The following WWOX variants were observed in gnomAD, a reference collection of about 807,000 sequenced individuals.
The protein encoded by WWOX is WW domain containing oxidoreductase.
A neutral mutation model predicts 46.2 loss-of-function variants in WWOX; 69 were observed. That is an observed-to-expected ratio of 1.49 (90% CI 1.23 to 1.82). WWOX has a LOEUF of 1.82. WWOX is among the 40% of genes most tolerant of loss of function. The pLI, the probability that WWOX is intolerant of heterozygous loss-of-function variation, is 0.00. For missense variants in WWOX, 919 were observed against 542.6 expected (o/e 1.69, Z -6.89); for synonymous variants, 359 against 202.6 (o/e 1.77, Z -6.56).
At chr16:78,916,147 A>G (rs886675585) in intron 8 of WWOX, among the ~76,000 whole-genome samples, 6 of 152,176 alleles carry the variant, frequency 3.9e-5, no homozygotes, top group African/African-American at 1.4e-4. Flanking sequence ...TCTTGATAAA[A>G]CAATGCTCTC....
intron 5 of WWOX, among the ~76,000 whole-genome samples, chr16:78,332,580 A>T (rs1260238806): frequency 6.6e-6 from 1 of 152,222 alleles, no homozygotes; most frequent in Non-Finnish European, 1.5e-5. Flanking sequence ...CCAAGTATTT[A>T]TATAGTTCAA....
intron 8 of WWOX, among the ~76,000 whole-genome samples, chr16:78,830,537 C>G (rs1307898263): frequency 6.6e-6 from 1 of 152,000 alleles, no homozygotes; most frequent in East Asian, 1.9e-4. Flanking sequence ...AGCCTCCTTC[C>G]TCCCAGCAGA....
At chr16:78,342,480 G>T (rs112881552) in intron 5 of WWOX, among the ~76,000 whole-genome samples, 1 of 119,450 alleles carries the variant, frequency 8.4e-6, no homozygotes, top group Non-Finnish European at 2.0e-5. Context: ...CGTGGCATTT[G>T]TTGCTTCCAT....
intron 8 of WWOX, among the ~76,000 whole-genome samples, chr16:78,765,785 C>A (rs188245091): frequency 1.1e-3 from 173 of 152,314 alleles, no homozygotes; most frequent in African/African-American, 4.0e-3. Context: ...GCAAAAATCA[C>A]AACCTCTGTC....
chr16:78,674,005 A>T (rs2047527888), intron 8 of WWOX, among the ~76,000 whole-genome samples: 1 of 152,180 alleles, frequency 6.6e-6, no homozygotes, highest in African/African-American at 2.4e-5. Context: ...AAAACCTGCA[A>T]GAGACCGCTT....
chr16:78,206,897 A>G lies in WWOX; in HGVS notation c.516+42608A>G, dbSNP rs1252222699. Among the ~76,000 whole-genome samples the G allele has an allele frequency of 3.3e-5, 5 of 152,292 alleles. No individual in the cohort carries two copies. In the East Asian group the frequency reaches 7.7e-4, roughly 24 times the overall value. The stretch of plus-strand genomic sequence containing the variant: ...TCTGTGTTGCAAAATTGAGATAATG[A>G]TAATAGCTAATGATACCTCTCCCTT... On this transcript the variant is annotated intron_variant, in intron 5 of 8. Coordinates refer to ENST00000566780, the MANE Select transcript of WWOX (RefSeq NM_016373.4).
In WWOX at chr16:79,212,252, G is replaced by C. The variant is rs1400206389; in HGVS notation, c.*456G>C. 1.5e-6 allele frequency: 2 copies of C among 1,328,140 alleles called. No homozygotes were observed. Among genetic ancestry groups the C allele is most frequent in the African/African-American group, 1.5e-5 (1 of 67,326 alleles). The allele number at this position is 1,328,140 out of a possible 1,614,324, so 82.3% of individuals were successfully genotyped here. A position where few individuals can be genotyped will look rare whatever the true frequency, so the allele number is the denominator to read the frequency against. ...TGCTCCTTGCTGCATTGATCCAGGA[G>C]ATAATTGTTTCATTCATCCTGACCA... On this transcript the variant is annotated 3_prime_UTR_variant, in exon 9 of 9. Coordinates refer to ENST00000566780, the MANE Select transcript of WWOX (RefSeq NM_016373.4).
At chr16:78,613,896 C>G (rs960515248) in intron 8 of WWOX, among the ~76,000 whole-genome samples, 3 of 152,224 alleles carry the variant, frequency 2.0e-5, no homozygotes, top group Admixed American at 1.3e-4. Context: ...TAGGCCAAAT[C>G]TGGCCTGTTT....
intron 8 of WWOX, among the ~76,000 whole-genome samples, chr16:79,123,776 T>C (rs1039133562): frequency 2.0e-5 from 3 of 152,202 alleles, no homozygotes; most frequent in Admixed American, 1.3e-4. Context: ...TAAAGAATTA[T>C]GTCAACCTGA....
chr16:79,192,783 C>G (rs399238), intron 8 of WWOX, among the ~76,000 whole-genome samples: 63,183 of 151,986 alleles, frequency 0.42, 15,812 homozygotes, highest in Non-Finnish European at 0.57. Context: ...CAGAGCCCAC[C>G]CATCCCGTTT....
chr16:78,147,333 A>G (rs1223019796), intron 4 of WWOX, among the ~76,000 whole-genome samples: 3 of 152,094 alleles, frequency 2.0e-5, no homozygotes, highest in Admixed American at 2.0e-4. Flanking sequence ...TTGGAGTTGG[A>G]GGAGTCATTG....
chr16:78,702,009 A>ATATATATG (rs1333641443), intron 8 of WWOX, among the ~76,000 whole-genome samples: 1 of 38,676 alleles, frequency 2.6e-5, no homozygotes, highest in African/African-American at 1.2e-4. Context: ...ACATAAAATT[A>ATATATATG]TATATATATA....
At chr16:78,551,299 G>C (rs112162284) in intron 8 of WWOX, 2 of 152,130 alleles carry the variant, frequency 1.3e-5, no homozygotes, top group East Asian at 3.9e-4. Context: ...TAGATATCTC[G>C]TCTTCCAAAC....
At chr16:78,892,982 C>T (rs1257304764) in intron 8 of WWOX, among the ~76,000 whole-genome samples, 2 of 152,120 alleles carry the variant, frequency 1.3e-5, no homozygotes, top group Admixed American at 1.3e-4. Context: ...CCTTGGATTC[C>T]TTCCTTCAAG....
chr16:78,277,407 C>T lies in WWOX; in HGVS notation c.517-109453C>T, dbSNP rs543357740. On this transcript the variant is annotated intron_variant, in intron 5 of 8. Coordinates refer to ENST00000566780, the MANE Select transcript of WWOX (RefSeq NM_016373.4). ...TGAGGGAAGTTGCAGTTTTCTCCCTCTGTGTATTCATCCTTCTGACCTGTG... is the reference window on the plus strand; with the variant it reads ...TGAGGGAAGTTGCAGTTTTCTCCCTTTGTGTATTCATCCTTCTGACCTGTG... Among the ~76,000 whole-genome samples the T allele has an allele frequency of 3.3e-5, 5 of 152,322 alleles. No homozygotes were observed. In the South Asian group the frequency reaches 1.0e-3, roughly 32 times the overall value.
At chr16:78,224,725 C>T (rs1409027287) in intron 5 of WWOX, among the ~76,000 whole-genome samples, 3 of 152,148 alleles carry the variant, frequency 2.0e-5, no homozygotes, top group Non-Finnish European at 4.4e-5. Context: ...TGCCAAATTG[C>T]TTTCTTGAAA....
intron 6 of WWOX, among the ~76,000 whole-genome samples, chr16:78,422,720 C>CATAT (rs1160494046): frequency 5.2e-5 from 5 of 95,884 alleles, no homozygotes; most frequent in Non-Finnish European, 9.7e-5. Context: ...TACACACACA[C>CATAT]ATATATATAT....
intron 8 of WWOX, among the ~76,000 whole-genome samples, chr16:78,852,189 T>C (rs1362745289): frequency 6.6e-6 from 1 of 152,200 alleles, no homozygotes; most frequent in African/African-American, 2.4e-5. Flanking sequence ...GATGAGCTTC[T>C]GTGGTAGCCA....
chr16:78,446,245 T>C (rs886095644), intron 8 of WWOX, among the ~76,000 whole-genome samples: 8 of 152,192 alleles, frequency 5.3e-5, no homozygotes, highest in African/African-American at 1.9e-4. Context: ...TTGTAACCTG[T>C]GACGCTCTTT....
Sources: allele counts gnomAD v4.1 joint callset (sites outside exome capture counted in the v4.1 genomes callset), GRCh38; gene constraint gnomAD v4.1.1; transcripts MANE v1.5; gene names NCBI Gene and HGNC (gene_info 2026-07-23, HGNC 2026-07-21).